ZBTB17: variants seen among roughly 807,000 people sequenced by gnomAD.
The protein encoded by ZBTB17 is zinc finger and BTB domain containing 17.
Under a neutral mutation model 85.1 loss-of-function variants are expected in ZBTB17, and 24 were observed. The ratio of observed to expected loss-of-function variants is 0.28; its 90% CI spans 0.20 to 0.40. The LOEUF is 0.40. Among genes scored for constraint, ZBTB17 ranks in the 10% least tolerant of loss-of-function variants. ZBTB17 has a pLI of 1.00. For synonymous variants in ZBTB17, 464 were observed against 460.2 expected, an observed-to-expected ratio of 1.01 and a Z score of -0.11; for missense variants, 743 against 1,105.1, an observed-to-expected ratio of 0.67 and a Z score of 4.65.
intron 10 of ZBTB17, 26 bp downstream of exon 10, chr1:15,943,782 G>A: frequency 6.2e-7 from 1 of 1,612,284 alleles, no homozygotes; most frequent in South Asian, 1.1e-5. Flanking sequence ...GGGGTGTGAG[G>A]GCAGCCAGGG....
Position 15,943,095 on chromosome 1 carries a change from C to T in ZBTB17, c.1797G>A (p.Gly599=), listed in dbSNP as rs138481741. 2 of 1,614,064 alleles carry T rather than the reference C, an allele frequency of 1.2e-6. No homozygotes were observed. Among genetic ancestry groups the T allele is most frequent in the Non-Finnish European group, 1.7e-6 (2 of 1,179,964 alleles). Residue 599 remains glycine (G), a synonymous_variant, in exon 13 of 16, where the codon GGG becomes GGA. Transcript: ENST00000375743. ...GAATGATGATGTGCTTGGACAGGTC[C>T]CCCACGTTCACGAAGGCCTTGCTGC... ...SVCSKAFVNV[G]DLSKHIIIHT... is the part of the protein sequence containing the mutation.
At chr1:15,958,415 C>CAAAA (rs34593133) in intron 2 of ZBTB17, among the ~76,000 whole-genome samples, 2 of 84,594 alleles carry the variant, frequency 2.4e-5, no homozygotes, top group African/African-American at 5.4e-5. Flanking sequence ...CCAATACGAC[C>CAAAA]AAAAAAAAAA....
intron 2 of ZBTB17, among the ~76,000 whole-genome samples, chr1:15,967,436 T>C (rs1364872514): frequency 7.1e-6 from 1 of 141,452 alleles, no homozygotes; most frequent in African/African-American, 2.6e-5. Context: ...ACCAGCACTT[T>C]GGAAGGCTGA....
chr1:15,949,402 GGGCCCTCTTTTCTAGAAAGA>G (rs560056130), intron 2 of ZBTB17, among the ~76,000 whole-genome samples: 1 of 152,328 alleles, frequency 6.6e-6, no homozygotes, highest in East Asian at 1.9e-4. Flanking sequence ...GAAAATAAGC[GGGCCCTCTTTTCTAGAAAGA>G]ACCCATTTCA....
intron 2 of ZBTB17, among the ~76,000 whole-genome samples, chr1:15,950,183 C>A (rs979517711): frequency 1.3e-5 from 2 of 152,246 alleles, no homozygotes; most frequent in Non-Finnish European, 2.9e-5. Flanking sequence ...CACACGGCCA[C>A]CTGGAGCAAA....
At chr1:15,975,425 C>A (rs1448409597) in intron 1 of ZBTB17, among the ~76,000 whole-genome samples, 1 of 152,210 alleles carries the variant, frequency 6.6e-6, no homozygotes, top group Non-Finnish European at 1.5e-5. Flanking sequence ...CCTGGAGGAT[C>A]GAGTCCGCCC....
At chr1:15,944,224 G>A (rs1194426850) in intron 9 of ZBTB17, 76 bp downstream of exon 9, 4 of 1,531,250 alleles carry the variant, frequency 2.6e-6, no homozygotes, top group South Asian at 1.2e-5. Context: ...CTCCCCGCCC[G>A]CCCCACCACG....
rs1047327553 is a variant in ZBTB17 at position 15,964,139 on chromosome 1, G to A, written c.-3+8900C>T. ...TCTCTAGAGAGAAAAAAAAAAAAAG[G>A]TTTAAAAAGAACTAAAATGCACACC... On this transcript the variant is annotated intron_variant, in intron 2 of 15. Coordinates refer to ENST00000375743, the MANE Select transcript of ZBTB17 (RefSeq NM_003443.3). The surrounding 1 kb of genome is among the most constrained non-coding windows in gnomAD (Gnocchi z 4.3). Among the ~76,000 whole-genome samples the A allele has an allele frequency of 1.4e-5, 2 of 144,442 alleles. No individual in the cohort carries two copies. Among genetic ancestry groups the A allele is most frequent in the Non-Finnish European group, 3.1e-5 (2 of 64,872 alleles). 94.8% of individuals were successfully genotyped at this position (144,442 alleles called of 152,430 possible).
rs889893383 is a variant in ZBTB17 at position 15,953,866 on chromosome 1, C to G, written c.-2-5369G>C. On this transcript the variant is annotated intron_variant, in intron 2 of 15. Transcript: ENST00000375743. The surrounding 1 kb of genome is among the most constrained non-coding windows in gnomAD (Gnocchi z 5.1). ...AGACCCTGTACAGAGCCTGGCATAT[C>G]GTGAGCATGCAACAAACTACTGTTG... Among the ~76,000 whole-genome samples, 4 of 152,236 alleles carry G rather than the reference C, an allele frequency of 2.6e-5. No individual in the cohort carries two copies. The highest frequency in any genetic ancestry group is 9.6e-5 in the African/African-American group (4 of 41,466).
At chr1:15,944,629 G>A (rs1169642654) in intron 8 of ZBTB17, 29 bp from the exon 9 acceptor site, 1 of 1,600,144 alleles carries the variant, frequency 6.2e-7, no homozygotes, top group Non-Finnish European at 8.5e-7. Flanking sequence ...ACAGGAGGCA[G>A]GGCTCGCTGG....
intron 2 of ZBTB17, among the ~76,000 whole-genome samples, chr1:15,949,797 G>T (rs1346633661): frequency 6.6e-6 from 1 of 152,218 alleles, no homozygotes; most frequent in Non-Finnish European, 1.5e-5. Flanking sequence ...ACCAGCACAG[G>T]TCGGCCTTGA....
At position 15,942,433 on chromosome 1, in the gene ZBTB17, T is replaced by A; in HGVS notation, c.2039-13A>T. ...CCCACCGGCACCACTGCGGGCAGAG[T>A]CGCAGGGCCTAAGGTGAAGGCACGG... On this transcript the variant is annotated splice_polypyrimidine_tract_variant and intron_variant, in intron 14 of 15. Transcript: ENST00000375743. 1 of 1,612,738 alleles carries A rather than the reference T, an allele frequency of 6.2e-7. No individual in the cohort carries two copies. Among genetic ancestry groups the A allele is most frequent in the Non-Finnish European group, 8.5e-7 (1 of 1,179,876 alleles).
In ZBTB17 at chr1:15,944,516, C is replaced by T. The variant is rs1231031209; in HGVS notation, c.1155G>A (p.Ser385=). ...CCTCGCAGCGGTAGCGCGCCTCGCC[C>T]GAGTGCCGCTTCTTGTGCAGGTTCA... ...SLLNLHKKRH[S]GEARYRCEDC... The change falls in exon 9 of 16, where the codon TCG becomes TCA. Residue 385 remains serine (S), a synonymous_variant. Transcript: ENST00000375743. 3 of 1,588,618 alleles carry T rather than the reference C, an allele frequency of 1.9e-6. No homozygotes were observed. The highest frequency in any genetic ancestry group is 4.5e-5 in the East Asian group (2 of 43,968).
chr1:15,949,800 G>C (rs556419862), intron 2 of ZBTB17, among the ~76,000 whole-genome samples: 1 of 152,210 alleles, frequency 6.6e-6, no homozygotes, highest in African/African-American at 2.4e-5. Context: ...AGCACAGGTC[G>C]GCCTTGAAGG....
Position 15,942,044 on chromosome 1 carries a change from G to A in ZBTB17, c.2337C>T (p.Arg779=), listed in dbSNP as rs771767188. The change falls in exon 16 of 16, where the codon CGC becomes CGT. Residue 779 remains arginine (R), a synonymous_variant. Coordinates refer to ENST00000375743, the MANE Select transcript of ZBTB17 (RefSeq NM_003443.3). Reference sequence around the variant, plus strand: ...GTGCGGGCTGGCCCTCAGCCCCGTCGCGAGGGCGGAAGACCAGCTCCCCAG... The same window carrying A: ...GTGCGGGCTGGCCCTCAGCCCCGTCACGAGGGCGGAAGACCAGCTCCCCAG... The part of the protein sequence containing the change: ...LQAGELVFRP[R]DGAEGQPALA... 9.3e-6 allele frequency: 15 copies of A among 1,611,634 alleles called. No homozygotes were observed. Among genetic ancestry groups the A allele is most frequent in the Admixed American group, 5.0e-5 (3 of 59,988 alleles).
chr1:15,942,748 C>G lies in ZBTB17; in HGVS notation c.1829-10G>C. 6.2e-7 allele frequency: 1 copy of G among 1,612,698 alleles called. No homozygotes were observed. Among genetic ancestry groups the G allele is most frequent in the Admixed American group, 1.7e-5 (1 of 59,998 alleles). On this transcript the variant is annotated splice_polypyrimidine_tract_variant and intron_variant, in intron 13 of 15. Coordinates refer to ENST00000375743, the MANE Select transcript of ZBTB17 (RefSeq NM_003443.3). ...AGGTAAGGCTTCTCTCCTGGGGGAG[C>G]AAGGTTCTCTCTTGCCTTTGTGGGA...
intron 2 of ZBTB17, among the ~76,000 whole-genome samples, chr1:15,971,523 C>CACACACTATATATATAT (rs2072678644): frequency 2.4e-5 from 3 of 127,408 alleles, no homozygotes; most frequent in African/African-American, 1.1e-4. Context: ...TATATATATA[C>CACACACTATATATATAT]ACACACACTA....
chr1:15,946,357 G>A (rs762386577), intron 4 of ZBTB17, 63 bp from the exon 5 acceptor site: 2 of 1,577,594 alleles, frequency 1.3e-6, no homozygotes, highest in African/African-American at 2.7e-5. Flanking sequence ...GGAGGTGTGA[G>A]GTGGCCCAGA....
At chr1:15,946,339 C>T (rs201168155) in intron 4 of ZBTB17, 45 bp from the exon 5 acceptor site, 15 of 1,588,126 alleles carry the variant, frequency 9.4e-6, no homozygotes, top group South Asian at 5.6e-5. Flanking sequence ...ATCAAGTGCC[C>T]GCCATCTGGA....
Sources: allele counts gnomAD v4.1 joint callset (sites outside exome capture counted in the v4.1 genomes callset), GRCh38; gene constraint gnomAD v4.1.1; non-coding constraint Gnocchi (gnomAD v3.1); transcripts MANE v1.5; gene names NCBI Gene and HGNC (gene_info 2026-07-23, HGNC 2026-07-21).